The following METTL15 variants were observed in gnomAD, a reference collection of about 807,000 sequenced individuals.
The protein encoded by METTL15 is methyltransferase 15, mitochondrial 12S rRNA N4-cytidine, also known as 12S rRNA N(4)-cytidine methyltransferase METTL15.
A neutral mutation model predicts 38.3 loss-of-function variants in METTL15; 34 were observed. The ratio of observed to expected loss-of-function variants is 0.89; its 90% CI spans 0.68 to 1.18. The LOEUF (loss-of-function observed/expected upper bound fraction) is 1.18. Among genes scored for constraint, METTL15 ranks in the 50% most tolerant of loss-of-function variants. The pLI is 0.00. For missense variants in METTL15, 438 were observed against 498.4 expected, an observed-to-expected ratio of 0.88 and a Z score of 1.15; for synonymous variants, 162 against 170.9, an observed-to-expected ratio of 0.95 and a Z score of 0.41.
chr11:28,294,089 T>G (rs1471780877), intron 5 of METTL15, among the ~76,000 whole-genome samples: 3 of 152,168 alleles, frequency 2.0e-5, no homozygotes, highest in Admixed American at 1.3e-4. Flanking sequence ...CTTCCAACAC[T>G]ATGTTGAATA....
chr11:28,238,978 G>A (rs141359096), intron 4 of METTL15, among the ~76,000 whole-genome samples: 1 of 151,152 alleles, frequency 6.6e-6, no homozygotes, highest in Non-Finnish European at 1.5e-5. Flanking sequence ...TTTCCTATCT[G>A]TACTGTTCCT....
intron 3 of METTL15, among the ~76,000 whole-genome samples, chr11:28,190,223 A>C (rs954258602): frequency 6.6e-6 from 1 of 151,242 alleles, no homozygotes; most frequent in Non-Finnish European, 1.5e-5. Context: ...GGGGAAATGT[A>C]TGGTGTCTTT....
At chr11:28,310,869 C>T (rs1444390209) in intron 6 of METTL15, among the ~76,000 whole-genome samples, 3 of 143,454 alleles carry the variant, frequency 2.1e-5, no homozygotes, top group African/African-American at 7.9e-5. Flanking sequence ...TCTTTAAGAC[C>T]TAGCTTAAAT....
At chr11:28,447,033 A>G (rs1395566751) in intron 6 of METTL15, among the ~76,000 whole-genome samples, 1 of 147,558 alleles carries the variant, frequency 6.8e-6, no homozygotes, top group African/African-American at 2.5e-5. Context: ...TGTGGAAAAT[A>G]TAAAAAGAGC....
At chr11:28,374,565 A>G (rs80097294) in intron 5 of METTL15, among the ~76,000 whole-genome samples, 101,279 of 102,978 alleles carry the variant, frequency 0.98, 49,865 homozygotes, top group South Asian at 1. Context: ...GAGATTTTGG[A>G]CTGAGACGAT....
chr11:28,467,079 G>A (rs963105434), intron 6 of METTL15, among the ~76,000 whole-genome samples: 1 of 152,108 alleles, frequency 6.6e-6, no homozygotes, highest in African/African-American at 2.4e-5. Flanking sequence ...CCTACATATC[G>A]TTTTAAATGA....
chr11:28,286,961 C>CTA (rs767707553), intron 4 of METTL15, among the ~76,000 whole-genome samples: 10 of 150,286 alleles, frequency 6.7e-5, no homozygotes, highest in Middle Eastern at 3.5e-3. Context: ...ATTCTCCACA[C>CTA]TATATATATA....
At chr11:28,336,788 GTTTC>G (rs1849904585), downstream of METTL15, among the ~76,000 whole-genome samples, 1 of 152,114 alleles carries the variant, frequency 6.6e-6, no homozygotes. Context: ...AAATGGCTAT[GTTTC>G]TTTTTTATGT....
intron 4 of METTL15, among the ~76,000 whole-genome samples, chr11:28,218,730 C>T (rs979118387): frequency 6.6e-6 from 1 of 152,060 alleles, no homozygotes; most frequent in African/African-American, 2.4e-5. Context: ...TGAGATACGT[C>T]CCATCAATAC....
chr11:28,181,458 C>G (rs1851285427), intron 3 of METTL15, among the ~76,000 whole-genome samples: 1 of 151,758 alleles, frequency 6.6e-6, no homozygotes, highest in Non-Finnish European at 1.5e-5. Context: ...CTCCCTGTGT[C>G]CATGTGTTCT....
intron 3 of METTL15, among the ~76,000 whole-genome samples, chr11:28,346,732 A>G (rs1387113832): frequency 3.3e-5 from 5 of 152,208 alleles, no homozygotes; most frequent in Non-Finnish European, 7.4e-5. Flanking sequence ...TAGAAGTCAA[A>G]TTTATTTTCC....
chr11:28,128,358 A>G (rs1343132206), intron 3 of METTL15, among the ~76,000 whole-genome samples: 4 of 152,136 alleles, frequency 2.6e-5, no homozygotes, highest in Non-Finnish European at 5.9e-5. Context: ...ATAAATAATA[A>G]TTTAGCTTTA....
intron 3 of METTL15, among the ~76,000 whole-genome samples, chr11:28,178,994 T>C (rs1216318844): frequency 6.6e-6 from 1 of 151,806 alleles, no homozygotes; most frequent in African/African-American, 2.4e-5. Flanking sequence ...ATTTTCTTCT[T>C]GCACTTTGTT....
intron 4 of METTL15, among the ~76,000 whole-genome samples, chr11:28,219,507 C>G (rs960217168): frequency 1.3e-5 from 2 of 152,112 alleles, no homozygotes; most frequent in Middle Eastern, 3.2e-3. Context: ...TTTCACAAAA[C>G]CAGCTCCTTG....
the METTL15 span, among the ~76,000 whole-genome samples, chr11:28,532,342 A>G: frequency 6.6e-6 from 1 of 152,080 alleles, no homozygotes; most frequent in Non-Finnish European, 1.5e-5. Context: ...TTCCATAGCT[A>G]TACCAGGGAT....
chr11:28,290,704 A>G (rs1856477832), intron 5 of METTL15, among the ~76,000 whole-genome samples: 1 of 152,100 alleles, frequency 6.6e-6, no homozygotes, highest in African/African-American at 2.4e-5. Context: ...AAATATCATG[A>G]TACTGCAACA....
intron 4 of METTL15, among the ~76,000 whole-genome samples, chr11:28,217,766 T>C (rs548788331): frequency 6.6e-6 from 1 of 152,352 alleles, no homozygotes; most frequent in African/African-American, 2.4e-5. Flanking sequence ...CAGTTTCAGC[T>C]TTCTACATAT....
At chr11:28,453,535 T>C (rs1851141140) in intron 6 of METTL15, among the ~76,000 whole-genome samples, 1 of 152,224 alleles carries the variant, frequency 6.6e-6, no homozygotes, top group Admixed American at 6.5e-5. Context: ...GTAACTTTCC[T>C]CCAAGGATGT....
intron 5 of METTL15, among the ~76,000 whole-genome samples, chr11:28,416,457 A>C (rs1263093922): frequency 6.6e-6 from 1 of 152,190 alleles, no homozygotes; most frequent in Non-Finnish European, 1.5e-5. Context: ...GCTCCAATTA[A>C]GTATGTCCCC....
Sources: gnomAD v4.1 joint callset for allele counts (sites outside exome capture counted in the v4.1 genomes callset) on GRCh38, gnomAD v4.1.1 for gene constraint, MANE v1.5 for transcripts, NCBI Gene and HGNC (gene_info 2026-07-23, HGNC 2026-07-21) for gene names.